The following SLC9A9 variants were observed in gnomAD, a reference collection of about 807,000 sequenced individuals.
The protein encoded by SLC9A9 is solute carrier family 9 member A9, also known as sodium/hydrogen exchanger 9.
Under a neutral mutation model 77.8 loss-of-function variants are expected in SLC9A9, and 62 were observed. That is an observed-to-expected ratio of 0.80 (90% CI 0.65 to 0.98). SLC9A9 has a LOEUF of 0.98. Among genes scored for constraint, SLC9A9 ranks in the 50% least tolerant of loss-of-function variants. SLC9A9 has a pLI of 0.00. For missense variants in SLC9A9, 775 were observed against 774.9 expected, an observed-to-expected ratio of 1.00 and a Z score of 0.00; for synonymous variants, 320 against 283.5, an observed-to-expected ratio of 1.13 and a Z score of -1.29.
At chr3:143,321,394 G>A (rs2031415050) in intron 14 of SLC9A9, among the ~76,000 whole-genome samples, 1 of 152,178 alleles carries the variant, frequency 6.6e-6, no homozygotes, top group Admixed American at 6.5e-5. Flanking sequence ...GCTTCCCTTT[G>A]TGCCAAGGAT....
intron 6 of SLC9A9, among the ~76,000 whole-genome samples, chr3:143,646,230 A>G (rs1366016666): frequency 6.6e-6 from 1 of 150,382 alleles, no homozygotes; most frequent in Non-Finnish European, 1.5e-5. Flanking sequence ...TTCTGACTCC[A>G]TGTAATTTAT....
At chr3:143,740,224 A>T (rs1040852215) in intron 4 of SLC9A9, among the ~76,000 whole-genome samples, 23 of 152,308 alleles carry the variant, frequency 1.5e-4, no homozygotes, top group Admixed American at 1.4e-3. Context: ...AAGCATTGCT[A>T]CTTTAGACAA....
At chr3:143,449,893 T>C (rs1301380638) in intron 12 of SLC9A9, among the ~76,000 whole-genome samples, 2 of 63,890 alleles carry the variant, frequency 3.1e-5, no homozygotes, top group African/African-American at 1.5e-4. Context: ...AATATATAAT[T>C]ATATAACATA....
rs946689650 is a variant in SLC9A9, at chr3:143,772,562, T to C, written c.533+22439A>G. On this transcript the variant is annotated intron_variant, in intron 4 of 15. Transcript: ENST00000316549. The stretch of plus-strand genomic sequence containing the variant: ...CATGGATGTTTCTGAGAATTTTCTC[T>C]GCCTAGATGAAGCACAAGCTGGTCC... 3.9e-5 allele frequency among the ~76,000 whole-genome samples: 6 copies of C among 152,326 alleles called. No homozygotes were observed. The South Asian group carries it at 1.0e-3, about 26-fold the overall frequency.
At chr3:143,534,455 G>A (rs994954424) in intron 9 of SLC9A9, among the ~76,000 whole-genome samples, 1 of 152,166 alleles carries the variant, frequency 6.6e-6, no homozygotes, top group Non-Finnish European at 1.5e-5. Flanking sequence ...CTCTCCTGGA[G>A]CTCACTGCAT....
chr3:143,627,436 GT>G, intron 6 of SLC9A9: 1 of 223,378 alleles, frequency 4.5e-6, no homozygotes, highest in East Asian at 1.1e-4. Flanking sequence ...CCCAATTCTA[GT>G]TATGAATGTC....
chr3:143,286,847 CTG>C (rs754969850), intron 14 of SLC9A9, among the ~76,000 whole-genome samples: 4 of 152,154 alleles, frequency 2.6e-5, no homozygotes, highest in African/African-American at 9.7e-5. Context: ...GTCTGACAGA[CTG>C]TGAAACTGGT....
At chr3:143,615,504 G>A (rs541593292) in intron 6 of SLC9A9, among the ~76,000 whole-genome samples, 2 of 152,090 alleles carry the variant, frequency 1.3e-5, no homozygotes, top group Admixed American at 6.5e-5. Flanking sequence ...TTGTAAGAGC[G>A]CTGGCGAAAC....
At chr3:143,718,924 C>T (rs990659977) in intron 4 of SLC9A9, among the ~76,000 whole-genome samples, 11 of 152,220 alleles carry the variant, frequency 7.2e-5, no homozygotes, top group East Asian at 3.9e-4. Context: ...TAATCTAGGA[C>T]GACTTAGCCC....
chr3:143,424,345 CA>C, intron 12 of SLC9A9, among the ~76,000 whole-genome samples: 1 of 151,168 alleles, frequency 6.6e-6, no homozygotes, highest in South Asian at 2.1e-4. Context: ...CAGCTCATTG[CA>C]AGTTCCGCCT....
chr3:143,345,537 A>G (rs73144721), intron 14 of SLC9A9, among the ~76,000 whole-genome samples: 19,228 of 152,194 alleles, frequency 0.13, 1,303 homozygotes, highest in East Asian at 0.18. Context: ...TGAGATGGAA[A>G]CCAGATAAGT....
intron 14 of SLC9A9, among the ~76,000 whole-genome samples, chr3:143,358,309 T>C (rs1214818932): frequency 6.6e-6 from 1 of 152,196 alleles, no homozygotes; most frequent in East Asian, 1.9e-4. Context: ...CAACCAGTTA[T>C]GGGAAGGAAA....
rs148717196 is a variant in SLC9A9 at position 143,808,269 on chromosome 3, C to A, written c.379-11366G>T. On this transcript the variant is annotated intron_variant, in intron 2 of 15. Transcript: ENST00000316549. ...TGAATCAGACATGATTAAACTCCAG[C>A]CATTTCTTTTGTTATACTTGCTCAT... Among the ~76,000 whole-genome samples, 428 of 152,296 alleles carry A rather than the reference C, an allele frequency of 2.8e-3. 2 individuals carry two copies. The highest frequency in any genetic ancestry group is 9.9e-3 in the African/African-American group (412 of 41,578).
At chr3:143,521,294 G>C (rs2036294679) in intron 9 of SLC9A9, among the ~76,000 whole-genome samples, 1 of 152,012 alleles carries the variant, frequency 6.6e-6, no homozygotes, top group Non-Finnish European at 1.5e-5. Context: ...CTTTTTCAGG[G>C]AGAAGGAAGG....
chr3:143,784,524 ATT>A (rs10715558), intron 4 of SLC9A9, among the ~76,000 whole-genome samples: 126 of 139,068 alleles, frequency 9.1e-4, no homozygotes, highest in Middle Eastern at 3.5e-3. Context: ...AAAATTTGTA[ATT>A]TTTTTTTTTT....
chr3:143,659,103 C>T (rs1253042752), intron 5 of SLC9A9, among the ~76,000 whole-genome samples: 1 of 152,154 alleles, frequency 6.6e-6, no homozygotes, highest in Non-Finnish European at 1.5e-5. Context: ...TGACTCACCC[C>T]TTCATACAAG....
At chr3:143,736,336 G>A in intron 4 of SLC9A9, among the ~76,000 whole-genome samples, 1 of 152,136 alleles carries the variant, frequency 6.6e-6, no homozygotes, top group East Asian at 1.9e-4. Context: ...TAAGAACCAT[G>A]TCCTCTTTGC....
chr3:143,299,610 A>ATTTTTTGTATTTTTAGTAGAGATGGGGTT (rs2030432069), intron 14 of SLC9A9, among the ~76,000 whole-genome samples: 5 of 151,954 alleles, frequency 3.3e-5, no homozygotes, highest in Non-Finnish European at 7.4e-5. Flanking sequence ...CATCTGGCTA[A>ATTTTTTGTATTTTTAGTAGAGATGGGGTT]TTTTTTGTAT....
chr3:143,448,370 A>G (rs2034882470), intron 12 of SLC9A9, among the ~76,000 whole-genome samples: 1 of 152,180 alleles, frequency 6.6e-6, no homozygotes, highest in African/African-American at 2.4e-5. Context: ...TCTATAGTCA[A>G]GTACTAGCAA....
Sources: gnomAD v4.1 joint callset for allele counts (sites outside exome capture counted in the v4.1 genomes callset) on GRCh38, gnomAD v4.1.1 for gene constraint, MANE v1.5 for transcripts, NCBI Gene and HGNC (gene_info 2026-07-23, HGNC 2026-07-21) for gene names.